The following APOLD1 variants were observed in gnomAD, a reference collection of about 807,000 sequenced individuals.
The protein encoded by APOLD1 is apolipoprotein L domain containing 1.
APOLD1 carries 22 observed loss-of-function variants against 15.3 expected under a neutral mutation model. The ratio of observed to expected loss-of-function variants is 1.44; its 90% CI spans 1.03 to 2.05. The LOEUF (loss-of-function observed/expected upper bound fraction) is 2.05. Among genes scored for constraint, APOLD1 ranks in the 30% most tolerant of loss-of-function variants. The pLI is 0.00. For synonymous variants in APOLD1, 190 were observed against 167.4 expected, an observed-to-expected ratio of 1.13 and a Z score of -1.04; for missense variants, 394 against 353.5, an observed-to-expected ratio of 1.11 and a Z score of -0.92.
chr12:12,750,133 G>A (rs973969076), intron 1 of APOLD1, among the ~76,000 whole-genome samples: 2 of 152,078 alleles, frequency 1.3e-5, no homozygotes, highest in South Asian at 2.1e-4. Flanking sequence ...AGCATTTTGC[G>A]AGGCCGAGGC....
chr12:12,752,500 T>C (rs1430754363), intron 1 of APOLD1, among the ~76,000 whole-genome samples: 2 of 152,166 alleles, frequency 1.3e-5, no homozygotes, highest in Admixed American at 1.3e-4. Context: ...CTTGGACTTA[T>C]CTCTTTGCTC....
chr12:12,761,794 TATATATACATGAACATATAC>T (rs1946900331), intron 1 of APOLD1, among the ~76,000 whole-genome samples: 1 of 143,040 alleles, frequency 7.0e-6, no homozygotes, highest in East Asian at 2.1e-4. Flanking sequence ...AATGAACATA[TATATATACATGAACATATAC>T]ATATATGTAT....
intron 1 of APOLD1, among the ~76,000 whole-genome samples, chr12:12,754,573 C>T (rs1187871554): frequency 6.6e-6 from 1 of 151,998 alleles, no homozygotes; most frequent in African/African-American, 2.4e-5. Flanking sequence ...CCACAGCCTC[C>T]AAGTAGCTGT....
intron 1 of APOLD1, among the ~76,000 whole-genome samples, chr12:12,736,721 G>A (rs1272078520): frequency 6.6e-6 from 1 of 152,122 alleles, no homozygotes; most frequent in Non-Finnish European, 1.5e-5. Context: ...ATAAACAATC[G>A]AGTTTTCAAA....
intron 1 of APOLD1, among the ~76,000 whole-genome samples, chr12:12,773,071 C>T (rs1050123018): frequency 1.3e-5 from 2 of 151,756 alleles, no homozygotes; most frequent in African/African-American, 4.9e-5. Context: ...AGAGTGATAT[C>T]CTGTCTCTAA....
rs774208477 is a variant in APOLD1, at chr12:12,787,169, G to A, written c.264G>A (p.Ser88=). The A allele has an allele frequency of 8.7e-5, 133 of 1,524,836 alleles. 1 individual carries two copies. In the African/African-American group the frequency reaches 1.6e-3, roughly 19 times the overall value. 94.5% of individuals were successfully genotyped at this position (1,524,836 alleles called of 1,614,324 possible). The change falls in exon 2 of 2, where the codon TCG becomes TCA. Residue 88 remains serine, a synonymous_variant. Transcript: ENST00000356591. The surrounding 1 kb of genome is among the most constrained non-coding windows in gnomAD (Gnocchi z 4.9). ...CCCTGGGGACCTCGCTGCTGGTGTC[G>A]GCCGTGGGGCTGGGGGTGGCCACAG... is the stretch of plus-strand genomic sequence containing the variant. The part of the protein sequence containing the change: ...PVTLGTSLLV[S]AVGLGVATAG...
chr12:12,728,141 T>C (rs898973641), intron 1 of APOLD1, among the ~76,000 whole-genome samples: 3 of 151,938 alleles, frequency 2.0e-5, no homozygotes, highest in Non-Finnish European at 4.4e-5. Context: ...GTTTTTTTTT[T>C]ACTTTTGTAG....
intron 1 of APOLD1, among the ~76,000 whole-genome samples, chr12:12,765,821 G>A (rs1253967200): frequency 1.3e-5 from 2 of 152,184 alleles, no homozygotes; most frequent in Admixed American, 6.5e-5. Flanking sequence ...AGTGAGCCAC[G>A]AGTGCACCAC....
intron 1 of APOLD1, among the ~76,000 whole-genome samples, chr12:12,772,468 G>A (rs966049638): frequency 3.3e-5 from 5 of 152,194 alleles, no homozygotes; most frequent in African/African-American, 2.4e-5. Context: ...CCTAACAACG[G>A]AGTGTCAAAA....
chr12:12,769,683 T>G (rs994419597), intron 1 of APOLD1, among the ~76,000 whole-genome samples: 2 of 152,212 alleles, frequency 1.3e-5, no homozygotes, highest in South Asian at 4.1e-4. Flanking sequence ...ATTACTTAAC[T>G]GGAGCCTAAC....
At chr12:12,781,432 G>T (rs370947743), upstream of APOLD1, among the ~76,000 whole-genome samples, 1 of 151,780 alleles carries the variant, frequency 6.6e-6, no homozygotes, top group Non-Finnish European at 1.5e-5. Flanking sequence ...GCGAAACTCC[G>T]TCTCAAAAAA....
intron 1 of APOLD1, among the ~76,000 whole-genome samples, chr12:12,753,855 G>A (rs970968613): frequency 6.6e-6 from 1 of 151,978 alleles, no homozygotes; most frequent in Admixed American, 6.6e-5. Context: ...TCTTCCAGAG[G>A]AAAAAACCAG....
chr12:12,771,696 G>A (rs1946988668), intron 1 of APOLD1: 2 of 434,696 alleles, frequency 4.6e-6, no homozygotes, highest in Non-Finnish European at 9.0e-6. Flanking sequence ...AGAGCCAAGG[G>A]TTGGGCACTT....
At chr12:12,739,651 T>C (rs961526607) in intron 1 of APOLD1, among the ~76,000 whole-genome samples, 1 of 152,224 alleles carries the variant, frequency 6.6e-6, no homozygotes, top group African/African-American at 2.4e-5. Context: ...GGCTATTTTT[T>C]TCCTAGTGAA....
chr12:12,781,885 A>G (rs561497206), upstream of APOLD1, among the ~76,000 whole-genome samples: 3 of 152,040 alleles, frequency 2.0e-5, no homozygotes, highest in South Asian at 6.2e-4. Context: ...TGGGTTGTTG[A>G]TAACTGTATA....
chr12:12,743,596 T>A (rs180988805), intron 1 of APOLD1, among the ~76,000 whole-genome samples: 1 of 152,290 alleles, frequency 6.6e-6, no homozygotes, highest in Admixed American at 6.5e-5. Context: ...GGCACAAGAA[T>A]GCCCCCCTCC....
chr12:12,763,425 T>C (rs1340489059), intron 1 of APOLD1, among the ~76,000 whole-genome samples: 1 of 152,132 alleles, frequency 6.6e-6, no homozygotes, highest in African/African-American at 2.4e-5. Flanking sequence ...GTATAACCTA[T>C]GCACATCTTC....
chr12:12,726,348 A>C (rs1338278805), intron 1 of APOLD1: 7 of 597,648 alleles, frequency 1.2e-5, no homozygotes, highest in Non-Finnish European at 1.8e-5. Context: ...ACGAAATGAG[A>C]CTTTTGAAGT....
At chr12:12,779,902 T>C (rs1284747751) in intron 1 of APOLD1, among the ~76,000 whole-genome samples, 1 of 152,176 alleles carries the variant, frequency 6.6e-6, no homozygotes, top group Non-Finnish European at 1.5e-5. Context: ...TGAAAATGGC[T>C]GGAGTGCAGT....
Sources: gnomAD v4.1 joint callset for allele counts (sites outside exome capture counted in the v4.1 genomes callset) on GRCh38, gnomAD v4.1.1 for gene constraint, Gnocchi (gnomAD v3.1) non-coding constraint, MANE v1.5 for transcripts, NCBI Gene and HGNC (gene_info 2026-07-23, HGNC 2026-07-21) for gene names.